SLC25A18: variants seen among roughly 807,000 people sequenced by gnomAD.
The protein encoded by SLC25A18 is mitochondrial glutamate carrier 2.
In SLC25A18, 24 loss-of-function variants were observed where a neutral mutation model predicts 31.1. The ratio of observed to expected loss-of-function variants is 0.77; its 90% CI spans 0.56 to 1.08. The LOEUF (loss-of-function observed/expected upper bound fraction) is 1.08, where lower values mean the gene tolerates loss of function less well. SLC25A18 is among the 50% of genes least tolerant of loss of function. The probability of loss-of-function intolerance (pLI) is 0.00; values close to 1 mark genes in which losing one functional copy is unlikely to be tolerated. For synonymous variants in SLC25A18, 173 were observed against 161.9 expected, an observed-to-expected ratio of 1.07 and a Z score of -0.52; for missense variants, 371 against 418.5, an observed-to-expected ratio of 0.89 and a Z score of 0.99.
intron 9 of SLC25A18, 36 bp downstream of exon 9, chr22:17,588,115 A>G (rs765760603): frequency 4.3e-6 from 7 of 1,611,366 alleles, no homozygotes; most frequent in Non-Finnish European, 5.9e-6. Flanking sequence ...TCTATGGGAT[A>G]AACAGTAATT....
intron 4 of SLC25A18, 95 bp from the exon 5 acceptor site, chr22:17,581,263 G>T: frequency 6.3e-7 from 1 of 1,586,852 alleles, no homozygotes; most frequent in Middle Eastern, 1.7e-4. Context: ...GGGGGCTGGG[G>T]ATCTGATCAG....
At chr22:17,586,332 G>A (rs1443965269) in intron 7 of SLC25A18, among the ~76,000 whole-genome samples, 2 of 146,714 alleles carry the variant, frequency 1.4e-5, no homozygotes, top group Admixed American at 6.8e-5. Context: ...AACATGGTAA[G>A]ACACCTTCTC....
Position 17,581,036 on chromosome 22 carries a change from G to A in SLC25A18, c.21-1G>A. 1 of 1,547,652 alleles carries A rather than the reference G, an allele frequency of 6.5e-7. No homozygotes were observed. Among genetic ancestry groups the A allele is most frequent in the Non-Finnish European group, 8.7e-7 (1 of 1,144,116 alleles). ...CTCCCCCTGTCCTCCCCCTGTCCTA[G>A]CATCACAGCCAAACTCATCAATGGA... On this transcript the variant is annotated splice_acceptor_variant, in intron 3 of 10. Coordinates refer to ENST00000327451, the MANE Select transcript of SLC25A18 (RefSeq NM_031481.3). LOFTEE classifies it high-confidence loss of function.
At chr22:17,572,719 G>T (rs1172552538) in intron 2 of SLC25A18, among the ~76,000 whole-genome samples, 1 of 129,130 alleles carries the variant, frequency 7.7e-6, no homozygotes, top group Non-Finnish European at 1.5e-5. Flanking sequence ...TCGGCTCACT[G>T]CAAGCTCCGC....
chr22:17,586,988 C>A, intron 7 of SLC25A18, 148 bp from the exon 8 acceptor site: 2 of 915,442 alleles, frequency 2.2e-6, no homozygotes, highest in Non-Finnish European at 3.3e-6. Context: ...AATTAACATT[C>A]TAAAATTAGG....
intron 7 of SLC25A18, among the ~76,000 whole-genome samples, chr22:17,585,078 G>A (rs2057504364): frequency 6.6e-6 from 1 of 151,880 alleles, no homozygotes; most frequent in Non-Finnish European, 1.5e-5. Flanking sequence ...GGGCAACATA[G>A]CAAGAACTAG....
chr22:17,571,198 G>A (rs549829122), intron 2 of SLC25A18, among the ~76,000 whole-genome samples: 1 of 152,316 alleles, frequency 6.6e-6, no homozygotes, highest in East Asian at 1.9e-4. Context: ...TTGGAAGGTG[G>A]ATTTGAAGGC....
At chr22:17,589,542 A>G (rs1480737595) in intron 9 of SLC25A18, 48 bp from the exon 10 acceptor site, 3 of 1,572,646 alleles carry the variant, frequency 1.9e-6, no homozygotes, top group African/African-American at 1.3e-5. Flanking sequence ...AGGGGAGGAC[A>G]CCGAAAGTAA....
At chr22:17,577,742 C>T (rs145571580) in intron 2 of SLC25A18, among the ~76,000 whole-genome samples, 5 of 136,084 alleles carry the variant, frequency 3.7e-5, no homozygotes, top group South Asian at 2.3e-4. Flanking sequence ...CACCATTCCC[C>T]GCTAATTTTT....
intron 1 of SLC25A18, among the ~76,000 whole-genome samples, chr22:17,567,647 T>C (rs2056971351): frequency 1.8e-5 from 1 of 56,706 alleles, no homozygotes; most frequent in South Asian, 6.4e-4. Context: ...ATCTCCATTT[T>C]ACCTCTCTAT....
At chr22:17,565,155 C>G (rs62238770) in intron 1 of SLC25A18, among the ~76,000 whole-genome samples, 7,763 of 152,134 alleles carry the variant, frequency 0.051, 288 homozygotes, top group East Asian at 0.15. Flanking sequence ...TCTCGGTTCA[C>G]TGTAAACTCC....
rs748854910 is a variant in SLC25A18, at chr22:17,583,529, G to A, written c.404G>A (p.Arg135His). 8 of 1,613,406 alleles carry A rather than the reference G, an allele frequency of 5.0e-6. No individual in the cohort carries two copies. Among genetic ancestry groups the A allele is most frequent in the South Asian group, 3.3e-5 (3 of 91,084 alleles). The change falls in exon 7 of 11, where the codon CGC (arginine) becomes CAC (histidine). Residue 135 changes from arginine to histidine, a missense_variant. By Grantham distance (29) the Arg-to-His change is conservative. Transcript: ENST00000327451. Reference sequence around the variant, plus strand: ...AAGATTCAGCTGCAGGATGCTGGACGCCTGGGTGAGGCCTGTCCCCACCTC... The same window carrying A: ...AAGATTCAGCTGCAGGATGCTGGACACCTGGGTGAGGCCTGTCCCCACCTC... ...MLKIQLQDAG[R>H]LAVHHQGSAS...
Position 17,583,390 on chromosome 22 carries a change from A to G in SLC25A18, c.291-26A>G, listed in dbSNP as rs764310660. 7 of 1,613,476 alleles carry G rather than the reference A, an allele frequency of 4.3e-6. No homozygotes were observed. In the East Asian group the frequency reaches 1.6e-4, roughly 36 times the overall value. ...AGGGCAGGCCTGTGGCCTGCGGCTG[A>G]AGGAGCCTGACGCCTGTTCCCATAG... On this transcript the variant is annotated intron_variant, in intron 6 of 10. Transcript: ENST00000327451.
At chr22:17,585,647 A>ATTTTTTTTT (rs1449640998) in intron 7 of SLC25A18, among the ~76,000 whole-genome samples, 3 of 138,392 alleles carry the variant, frequency 2.2e-5, no homozygotes, top group African/African-American at 8.7e-5. Context: ...TATTATTATT[A>ATTTTTTTTT]TTATTTTTTT....
At chr22:17,583,801 G>A (rs1043076980) in intron 7 of SLC25A18, among the ~76,000 whole-genome samples, 41 of 151,966 alleles carry the variant, frequency 2.7e-4, no homozygotes, top group African/African-American at 8.7e-4. Flanking sequence ...AAAATTAGCC[G>A]GGCGTGGTGG....
chr22:17,572,485 C>CAAA (rs695683), intron 2 of SLC25A18, among the ~76,000 whole-genome samples: 26 of 132,840 alleles, frequency 2.0e-4, no homozygotes, highest in African/African-American at 6.7e-4. Flanking sequence ...AACTCCATCT[C>CAAA]AAAAAAAAAA....
At chr22:17,575,170 C>T (rs900802219) in intron 2 of SLC25A18, among the ~76,000 whole-genome samples, 2 of 152,058 alleles carry the variant, frequency 1.3e-5, no homozygotes, top group Non-Finnish European at 2.9e-5. Context: ...TTCTTTAAGT[C>T]CCACTTCTCC....
At chr22:17,567,263 G>A (rs1040062763) in intron 1 of SLC25A18, among the ~76,000 whole-genome samples, 1 of 142,794 alleles carries the variant, frequency 7.0e-6, no homozygotes, top group African/African-American at 2.7e-5. Context: ...CCATCTCATA[G>A]ATGAACAGGC....
At chr22:17,569,190 A>G (rs1386673359) in intron 1 of SLC25A18, among the ~76,000 whole-genome samples, 1 of 151,652 alleles carries the variant, frequency 6.6e-6, no homozygotes, top group Admixed American at 6.6e-5. Flanking sequence ...TTGTATTTTT[A>G]GTAGACACGG....
Sources: allele counts gnomAD v4.1 joint callset (sites outside exome capture counted in the v4.1 genomes callset), GRCh38; gene constraint gnomAD v4.1.1; transcripts MANE v1.5; gene names NCBI Gene and HGNC (gene_info 2026-07-23, HGNC 2026-07-21).